CACNA1B: variants seen among roughly 807,000 people sequenced by gnomAD.
CACNA1B encodes the protein calcium voltage-gated channel subunit alpha1 B, also known as voltage-dependent N-type calcium channel subunit alpha-1B.
CACNA1B carries 70 observed loss-of-function variants against 247.2 expected under a neutral mutation model. That is an observed-to-expected ratio of 0.28 (90% CI 0.23 to 0.35). The LOEUF is 0.35. Among genes scored for constraint, CACNA1B ranks in the 10% least tolerant of loss-of-function variants. The pLI, the probability that CACNA1B is intolerant of heterozygous loss-of-function variation, is 1.00. For missense variants in CACNA1B, 2,367 were observed against 3,197.4 expected, an observed-to-expected ratio of 0.74 and a Z score of 6.26; for synonymous variants, 1,231 against 1,294.4, an observed-to-expected ratio of 0.95 and a Z score of 1.05.
intron 15 of CACNA1B, among the ~76,000 whole-genome samples, chr9:138,005,974 C>T (rs1414111042): frequency 2.8e-5 from 4 of 142,372 alleles, no homozygotes; most frequent in South Asian, 4.4e-4. Flanking sequence ...ACCTGGGAGA[C>T]GGAGCTTGCA....
chr9:137,877,810 G>T lies in CACNA1B; in HGVS notation c.-124G>T. ...TGAGGCGGCGGCGGCTGCGGCGGTG[G>T]GGCCGGGCGAGGTCCGCTGCGGTCC... On this transcript the variant is annotated 5_prime_UTR_variant, in exon 1 of 47. Transcript: ENST00000371372. 2.3e-6 allele frequency: 1 copy of T among 429,944 alleles called. No individual in the cohort carries two copies. The highest frequency in any genetic ancestry group is 3.1e-6 in the Non-Finnish European group (1 of 322,946). 26.6% of individuals were successfully genotyped at this position (429,944 alleles called of 1,614,324 possible).
At chr9:137,927,308 C>T (rs561983410) in intron 6 of CACNA1B, among the ~76,000 whole-genome samples, 7 of 150,836 alleles carry the variant, frequency 4.6e-5, no homozygotes, top group East Asian at 1.9e-4. Context: ...CAATGGAACC[C>T]GCCTCCTGGG....
chr9:137,984,497 C>T (rs541332043), intron 13 of CACNA1B, among the ~76,000 whole-genome samples: 15 of 152,374 alleles, frequency 9.8e-5, no homozygotes, highest in Middle Eastern at 6.8e-3. Context: ...TTGCTTTCCA[C>T]GATTTCCCAT....
rs1554747246 is a variant in CACNA1B, at chr9:138,013,183, A to T, written c.2215A>T (p.Lys739Ter). ...ANQKLALQKA[K>*]EVAEVSPMSA... ...TCAGAAGCTTGCTCTGCAAAAGGCC[A>T]AAGAAGTGGCTGAAGTCAGCCCCAT... The change falls in exon 18 of 47, where the codon AAA (lysine) becomes TAA (stop). Residue 739 changes from lysine (K) to a stop codon, truncating the protein, a stop_gained. Coordinates refer to ENST00000371372, the MANE Select transcript of CACNA1B (RefSeq NM_000718.4). LOFTEE classifies it high-confidence loss of function. 1 of 1,611,916 alleles carries T rather than the reference A, an allele frequency of 6.2e-7. No individual in the cohort carries two copies. Among genetic ancestry groups the T allele is most frequent in the South Asian group, 1.1e-5 (1 of 90,756 alleles).
At chr9:138,076,888 A>G (rs1379591559) in intron 35 of CACNA1B, among the ~76,000 whole-genome samples, 1 of 151,936 alleles carries the variant, frequency 6.6e-6, no homozygotes, top group African/African-American at 2.4e-5. Context: ...GACCTCTTAG[A>G]CTCTTGTTTC....
rs1231982669 is a variant in CACNA1B at position 138,102,716 on chromosome 9, G to A, written c.5228G>A (p.Arg1743His). 6.2e-6 allele frequency: 10 copies of A among 1,607,826 alleles called. No individual in the cohort carries two copies. The highest frequency in any genetic ancestry group is 1.3e-5 in the African/African-American group (1 of 74,678). The change falls in exon 38 of 47, where the codon CGC becomes CAC. Residue 1743 changes from arginine (R) to histidine (H), a missense_variant. By Grantham distance (29) the Arg-to-His change is conservative (BLOSUM62 0). This residue lies in a region of CACNA1B where 55 missense variants were observed against 107.8 expected (regional missense o/e 0.51). Coordinates refer to ENST00000371372, the MANE Select transcript of CACNA1B (RefSeq NM_000718.4). The surrounding 1 kb of genome is among the most constrained non-coding windows in gnomAD (Gnocchi z 5.4). ...TCGCTGGGACGGGTTTCCAGTGGGC[G>A]CATCAGTTACAATGACATGTTTGAG... ...WAEYDPAACGRISYNDMFEML... is the reference protein window; with the variant it reads ...WAEYDPAACGHISYNDMFEML...
chr9:137,938,203 CAA>C (rs1181264597), intron 6 of CACNA1B, among the ~76,000 whole-genome samples: 1 of 151,954 alleles, frequency 6.6e-6, no homozygotes, highest in Non-Finnish European at 1.5e-5. Flanking sequence ...TTCAGACAAA[CAA>C]ATGCTGAGAG....
intron 3 of CACNA1B, among the ~76,000 whole-genome samples, chr9:137,895,470 A>G (rs1211354497): frequency 2.0e-5 from 3 of 152,246 alleles, no homozygotes; most frequent in South Asian, 4.1e-4. Context: ...AAGTCTTCCA[A>G]TCTAGGAACA....
intron 18 of CACNA1B, 69 bp downstream of exon 18, chr9:138,013,304 C>T: frequency 8.6e-7 from 1 of 1,158,158 alleles, no homozygotes; most frequent in Non-Finnish European, 1.2e-6. Flanking sequence ...CTGGGCCCTC[C>T]CCAGGGCACC....
At position 138,014,485 on chromosome 9, in the gene CACNA1B, G is replaced by A. The variant is rs879661656; in HGVS notation, c.2267+1250G>A. Among the ~76,000 whole-genome samples, 26 of 152,258 alleles carry A rather than the reference G, an allele frequency of 1.7e-4. No individual in the cohort carries two copies. The highest frequency in any genetic ancestry group is 6.3e-4 in the African/African-American group (26 of 41,540). ...CAGCTGTGGACACGGTGGCCATCACGCAGAAGACTGCTGGGGGCTCAGTCC... is the reference window on the plus strand; with the variant it reads ...CAGCTGTGGACACGGTGGCCATCACACAGAAGACTGCTGGGGGCTCAGTCC... On this transcript the variant is annotated intron_variant, in intron 18 of 46. Transcript: ENST00000371372. The surrounding 1 kb of genome is among the most constrained non-coding windows in gnomAD (Gnocchi z 6.2).
intron 31 of CACNA1B, among the ~76,000 whole-genome samples, chr9:138,068,109 T>G (rs1374057740): frequency 6.6e-6 from 1 of 152,062 alleles, no homozygotes; most frequent in East Asian, 1.9e-4. Context: ...TGTGCGCAAG[T>G]CAAAGAAGCC....
intron 6 of CACNA1B, among the ~76,000 whole-genome samples, chr9:137,922,216 C>CTGG (rs1437797128): frequency 6.8e-6 from 1 of 147,126 alleles, no homozygotes. Flanking sequence ...ACATGATCAG[C>CTGG]ACCACGACCG....
rs1408256646 is a variant in CACNA1B at position 137,952,437 on chromosome 9, CAG to C, written c.1070+61_1070+62del. Reference sequence around the variant, plus strand: ...TCTGTGTTCTCAGCTGAGGGGTCAACAGGGGCACGTGTGACACTTGGGGTGGG... The same window carrying C: ...TCTGTGTTCTCAGCTGAGGGGTCAACGGGCACGTGTGACACTTGGGGTGGG... On this transcript the variant is annotated intron_variant, in intron 7 of 46. Coordinates refer to ENST00000371372, the MANE Select transcript of CACNA1B (RefSeq NM_000718.4). The surrounding 1 kb of genome is among the most constrained non-coding windows in gnomAD (Gnocchi z 4.8). 4 of 1,391,180 alleles carry C rather than the reference CAG, an allele frequency of 2.9e-6. No individual in the cohort carries two copies. Among genetic ancestry groups the C allele is most frequent in the South Asian group, 2.3e-5 (2 of 86,282 alleles). 86.2% of individuals were successfully genotyped at this position (1,391,180 alleles called of 1,614,324 possible). A position where few individuals can be genotyped will look rare whatever the true frequency, so the allele number is the denominator to read the frequency against.
intron 6 of CACNA1B, among the ~76,000 whole-genome samples, chr9:137,946,402 T>C (rs1012083773): frequency 6.6e-6 from 1 of 152,132 alleles, no homozygotes; most frequent in African/African-American, 2.4e-5. Context: ...AATTCCTCCT[T>C]GACAAGCTGC....
At chr9:138,021,848 G>A (rs765297689) in intron 18 of CACNA1B, among the ~76,000 whole-genome samples, 1 of 152,232 alleles carries the variant, frequency 6.6e-6, no homozygotes, top group African/African-American at 2.4e-5. Flanking sequence ...CAGATGCCAT[G>A]GCCCTCATTG....
intron 3 of CACNA1B, among the ~76,000 whole-genome samples, chr9:137,901,087 CTGTGTCTGTGTGTCCT>C (rs1957233849): frequency 6.9e-6 from 1 of 144,644 alleles, no homozygotes; most frequent in Non-Finnish European, 1.5e-5. Flanking sequence ...GTCCCTGTGT[CTGTGTCTGTGTGTCCT>C]TGTGTCTGTG....
intron 10 of CACNA1B, among the ~76,000 whole-genome samples, chr9:137,958,140 A>G (rs900327954): frequency 6.6e-6 from 1 of 151,560 alleles, no homozygotes; most frequent in Non-Finnish European, 1.5e-5. Context: ...GCTGTACAGC[A>G]GTCTGTGAGT....
chr9:138,122,985 C>T lies in CACNA1B; in HGVS notation c.*986C>T, dbSNP rs1158813409. 1 of 152,282 alleles carries T rather than the reference C, an allele frequency of 6.6e-6. No individual in the cohort carries two copies. The allele number at this position is 152,282 out of a possible 1,614,324, so 9.4% of individuals were successfully genotyped here. A position where few individuals can be genotyped will look rare whatever the true frequency, so the allele number is the denominator to read the frequency against. ...ATGTCATGGTGGCAAACAAGGCAGC[C>T]ATTTGCTGTCCTCCTCCCACGAGTG... On this transcript the variant is annotated 3_prime_UTR_variant, in exon 47 of 47. Coordinates refer to ENST00000371372, the MANE Select transcript of CACNA1B (RefSeq NM_000718.4).
At chr9:138,104,920 G>A (rs912496386) in intron 38 of CACNA1B, among the ~76,000 whole-genome samples, 1 of 152,228 alleles carries the variant, frequency 6.6e-6, no homozygotes, top group Non-Finnish European at 1.5e-5. Context: ...GTGCAGACAC[G>A]AGCTCGTCTC....
Sources: gnomAD v4.1 joint callset for allele counts (sites outside exome capture counted in the v4.1 genomes callset) on GRCh38, gnomAD v4.1.1 for gene constraint, gnomAD v4.1.1 regional missense constraint, Gnocchi (gnomAD v3.1) non-coding constraint, MANE v1.5 for transcripts, NCBI Gene and HGNC (gene_info 2026-07-23, HGNC 2026-07-21) for gene names.